MTMR3: variants seen among roughly 807,000 people sequenced by gnomAD.
MTMR3 encodes the protein phosphatidylinositol-3,5-bisphosphate 3-phosphatase MTMR3.
Under a neutral mutation model 132.4 loss-of-function variants are expected in MTMR3, and 32 were observed. That is an observed-to-expected ratio of 0.24 (90% confidence interval 0.18 to 0.32). The LOEUF (loss-of-function observed/expected upper bound fraction) is 0.32, where lower values mean the gene tolerates loss of function less well. Among genes scored for constraint, MTMR3 ranks in the 10% least tolerant of loss-of-function variants. MTMR3 has a pLI of 1.00. For missense variants in MTMR3, 1,216 were observed against 1,489.6 expected (o/e 0.82, Z 3.02); for synonymous variants, 556 against 550.3 (o/e 1.01, Z -0.14).
chr22:29,952,065 G>GT (rs1240707684), intron 1 of MTMR3, among the ~76,000 whole-genome samples: 7 of 151,660 alleles, frequency 4.6e-5, no homozygotes, highest in African/African-American at 1.2e-4. Flanking sequence ...ATTTTTGTGG[G>GT]TTTTTTTGTA....
intron 11 of MTMR3, 79 bp from the exon 12 acceptor site, chr22:30,008,939 A>G: frequency 1.1e-6 from 1 of 933,452 alleles, no homozygotes; most frequent in Non-Finnish European, 1.7e-6. Flanking sequence ...TTTGTTTTAT[A>G]GCCAGTTTGC....
intron 1 of MTMR3, among the ~76,000 whole-genome samples, chr22:29,952,633 A>G (rs973999721): frequency 6.6e-6 from 1 of 152,120 alleles, no homozygotes; most frequent in Non-Finnish European, 1.5e-5. Flanking sequence ...TCTAGTTCCT[A>G]GAATAGTGCC....
chr22:29,968,660 T>C (rs2066476612), intron 2 of MTMR3, among the ~76,000 whole-genome samples: 1 of 152,236 alleles, frequency 6.6e-6, no homozygotes, highest in South Asian at 2.1e-4. Flanking sequence ...ATTAGTTATC[T>C]GTTTCTTTGT....
intron 2 of MTMR3, among the ~76,000 whole-genome samples, chr22:29,957,979 G>A (rs767221219): frequency 2.8e-4 from 42 of 151,100 alleles, no homozygotes; most frequent in Admixed American, 1.1e-3. Flanking sequence ...AGGTACATAC[G>A]TAGAGGAAAA....
At chr22:29,984,782 ACT>A (rs760247569) in intron 5 of MTMR3, 4 of 152,072 alleles carry the variant, frequency 2.6e-5, no homozygotes, top group South Asian at 2.1e-4. Context: ...TTTGATTTAA[ACT>A]CTGTTTTCCT....
intron 1 of MTMR3, among the ~76,000 whole-genome samples, chr22:29,910,020 G>T (rs941019686): frequency 1.3e-5 from 2 of 152,118 alleles, no homozygotes; most frequent in African/African-American, 4.8e-5. Flanking sequence ...AGCCGGGCAT[G>T]GTGGTGGGTG....
intron 1 of MTMR3, among the ~76,000 whole-genome samples, chr22:29,914,608 A>G (rs950759630): frequency 6.7e-6 from 1 of 148,882 alleles, no homozygotes; most frequent in Non-Finnish European, 1.5e-5. Context: ...GTAGTCAGTT[A>G]TTTTTTTTTT....
chr22:29,896,896 CACACACAT>C (rs1435792288), intron 1 of MTMR3, among the ~76,000 whole-genome samples: 16 of 151,144 alleles, frequency 1.1e-4, no homozygotes, highest in East Asian at 1.9e-4. Flanking sequence ...CACACACACA[CACACACAT>C]ACACACACAC....
chr22:30,012,844 TAAG>T (rs1354029800), intron 13 of MTMR3: 2 of 295,730 alleles, frequency 6.8e-6, no homozygotes, highest in Non-Finnish European at 1.2e-5. Context: ...CTCAGGAAAA[TAAG>T]GAGTCTGTAA....
chr22:29,934,588 C>T (rs189035993), intron 1 of MTMR3, among the ~76,000 whole-genome samples: 10 of 152,226 alleles, frequency 6.6e-5, no homozygotes, highest in African/African-American at 2.2e-4. Flanking sequence ...TTTTTAATGT[C>T]ATTATAGATT....
At chr22:29,955,404 G>T (rs1006089047) in intron 1 of MTMR3, among the ~76,000 whole-genome samples, 1 of 152,164 alleles carries the variant, frequency 6.6e-6, no homozygotes, top group Non-Finnish European at 1.5e-5. Flanking sequence ...TTATACTCTT[G>T]CAGGAAAAGG....
intron 1 of MTMR3, among the ~76,000 whole-genome samples, chr22:29,926,104 T>TAAAA (rs2065511918): frequency 2.0e-5 from 3 of 152,144 alleles, no homozygotes; most frequent in Non-Finnish European, 4.4e-5. Context: ...TTTCAATGCA[T>TAAAA]TTACCTATTT....
At chr22:29,993,465 A>G (rs2067003129) in intron 7 of MTMR3, 1 of 152,114 alleles carries the variant, frequency 6.6e-6, no homozygotes, top group South Asian at 2.1e-4. Context: ...AATGAACTTA[A>G]TGAGTGCATC....
intron 1 of MTMR3, among the ~76,000 whole-genome samples, chr22:29,936,089 A>T (rs536952295): frequency 6.6e-6 from 1 of 152,258 alleles, no homozygotes; most frequent in East Asian, 1.9e-4. Flanking sequence ...TAGAAGATGG[A>T]GACAAAACCA....
At chr22:29,906,951 A>G (rs372642360) in intron 1 of MTMR3, among the ~76,000 whole-genome samples, 1 of 151,698 alleles carries the variant, frequency 6.6e-6, no homozygotes. Context: ...GGTGGCGTGC[A>G]TCTGTAATCC....
intron 1 of MTMR3, among the ~76,000 whole-genome samples, chr22:29,928,233 C>T (rs1203543221): frequency 7.0e-6 from 1 of 142,836 alleles, no homozygotes; most frequent in African/African-American, 2.6e-5. Flanking sequence ...AGTACGATGG[C>T]ATGATCTCTC....
At chr22:29,984,433 A>G (rs2066816905) in intron 5 of MTMR3, 1 of 152,212 alleles carries the variant, frequency 6.6e-6, no homozygotes, top group African/African-American at 2.4e-5. Flanking sequence ...TAACCTGTGC[A>G]TGTCTGTATG....
At chr22:29,891,028 G>T (rs1250655675) in intron 1 of MTMR3, among the ~76,000 whole-genome samples, 1 of 108,364 alleles carries the variant, frequency 9.2e-6, no homozygotes, top group African/African-American at 3.2e-5. Flanking sequence ...CATCTCTTTA[G>T]AAAAAAAAAA....
At chr22:29,910,611 A>T (rs1239458446) in intron 1 of MTMR3, among the ~76,000 whole-genome samples, 1 of 152,148 alleles carries the variant, frequency 6.6e-6, no homozygotes, top group Admixed American at 6.5e-5. Context: ...TTTAGTTTCA[A>T]ATTTGTGCTG....
Sources: gnomAD v4.1 joint callset for allele counts (sites outside exome capture counted in the v4.1 genomes callset) on GRCh38, gnomAD v4.1.1 for gene constraint, MANE v1.5 for transcripts, NCBI Gene and HGNC (gene_info 2026-07-23, HGNC 2026-07-21) for gene names.